Variants in NXNL2 observed in about 807,000 individuals in gnomAD.
NXNL2 encodes the protein nucleoredoxin-like protein 2.
A neutral mutation model predicts 11.1 loss-of-function variants in NXNL2; 7 were observed. The observed-to-expected ratio is 0.63, with a 90% CI of 0.36 to 1.18. NXNL2 has a LOEUF of 1.18. Ranked by LOEUF, NXNL2 falls within the 50% of genes most tolerant of loss-of-function variation. NXNL2 has a pLI of 0.02. For missense variants in NXNL2, 233 were observed against 217.7 expected, an observed-to-expected ratio of 1.07 and a Z score of -0.44; for synonymous variants, 109 against 101.8, an observed-to-expected ratio of 1.07 and a Z score of -0.42.
At chr9:88,581,529 G>A (rs7848347) in intron 1 of NXNL2, among the ~76,000 whole-genome samples, 9,364 of 151,798 alleles carry the variant, frequency 0.062, 915 homozygotes, top group African/African-American at 0.21. Context: ...CCTCTGCCTC[G>A]TAGGTTCAAG....
Position 88,562,788 on chromosome 9 carries a change from T to C in NXNL2, c.303-8299T>C, listed in dbSNP as rs769339214. ...AATTGTAGTGAGGCATTAAGAGACATACAAATAGTAGGACAGAAGGCAGAG... is the reference window on the plus strand; with the variant it reads ...AATTGTAGTGAGGCATTAAGAGACACACAAATAGTAGGACAGAAGGCAGAG... On this transcript the variant is annotated intron_variant, in intron 1 of 2. Transcript: ENST00000375855. Among the ~76,000 whole-genome samples, 47 of 147,732 alleles carry C rather than the reference T, an allele frequency of 3.2e-4. 2 individuals are homozygous for C. The highest frequency in any genetic ancestry group is 6.2e-4 in the Non-Finnish European group (42 of 67,262).
At chr9:88,568,942 T>C (rs1467336216) in intron 1 of NXNL2, among the ~76,000 whole-genome samples, 1 of 152,170 alleles carries the variant, frequency 6.6e-6, no homozygotes, top group Non-Finnish European at 1.5e-5. Flanking sequence ...AATTTTTTTT[T>C]TTCTTGGACA....
intron 1 of NXNL2, among the ~76,000 whole-genome samples, chr9:88,544,150 G>T (rs759582629): frequency 6.6e-6 from 1 of 152,054 alleles, no homozygotes; most frequent in Non-Finnish European, 1.5e-5. Flanking sequence ...TAGCCTGGGC[G>T]ACAAGAACAA....
At chr9:88,563,680 C>T (rs981283404) in intron 1 of NXNL2, among the ~76,000 whole-genome samples, 1 of 152,170 alleles carries the variant, frequency 6.6e-6, no homozygotes, top group African/African-American at 2.4e-5. Context: ...CCCAACCACC[C>T]TGCTGCTCCC....
chr9:88,572,517 G>A (rs983086684), intron 2 of NXNL2, among the ~76,000 whole-genome samples: 1 of 152,130 alleles, frequency 6.6e-6, no homozygotes, highest in African/African-American at 2.4e-5. Flanking sequence ...GACGAATGAC[G>A]GGCCTTTGGA....
chr9:88,549,587 A>G (rs2118450751), downstream of NXNL2, among the ~76,000 whole-genome samples: 1 of 152,176 alleles, frequency 6.6e-6, no homozygotes, highest in South Asian at 2.1e-4. Flanking sequence ...GTTATTGTTG[A>G]GAGATCCAAC....
At chr9:88,537,377 G>A (rs764683431) in intron 1 of NXNL2, among the ~76,000 whole-genome samples, 8 of 152,204 alleles carry the variant, frequency 5.3e-5, no homozygotes, top group African/African-American at 1.7e-4. Flanking sequence ...GAGACTGCTC[G>A]TCTGTTTCTG....
At chr9:88,573,082 A>G (rs944194238) in intron 2 of NXNL2, among the ~76,000 whole-genome samples, 2 of 152,218 alleles carry the variant, frequency 1.3e-5, no homozygotes, top group Non-Finnish European at 2.9e-5. Flanking sequence ...AGGGGCAATT[A>G]CTAGCTTGCT....
chr9:88,582,898 C>T (rs775843471), intron 1 of NXNL2, among the ~76,000 whole-genome samples: 15 of 152,148 alleles, frequency 9.9e-5, no homozygotes, highest in Non-Finnish European at 2.1e-4. Flanking sequence ...GAACTCCTGA[C>T]CTCAAGGGAT....
At chr9:88,550,487 G>A (rs1054971795) in intron 1 of NXNL2, among the ~76,000 whole-genome samples, 1 of 152,228 alleles carries the variant, frequency 6.6e-6, no homozygotes, top group African/African-American at 2.4e-5. Context: ...TTAAAGGCGG[G>A]AGGCAGAGGT....
At chr9:88,582,464 A>G (rs1198820291) in intron 1 of NXNL2, among the ~76,000 whole-genome samples, 2 of 152,088 alleles carry the variant, frequency 1.3e-5, no homozygotes, top group Non-Finnish European at 2.9e-5. Flanking sequence ...GAGAGACTTC[A>G]TCTCAAAAAA....
chr9:88,556,121 C>T (rs764927080), intron 1 of NXNL2, among the ~76,000 whole-genome samples: 2 of 152,146 alleles, frequency 1.3e-5, no homozygotes, highest in African/African-American at 2.4e-5. Context: ...CAGGGAGTCC[C>T]GAGGTCTCGG....
At chr9:88,572,876 G>C (rs1830293601) in intron 2 of NXNL2, among the ~76,000 whole-genome samples, 1 of 152,200 alleles carries the variant, frequency 6.6e-6, no homozygotes, top group Admixed American at 6.5e-5. Flanking sequence ...TCACAGGCTG[G>C]TGCCATAAGC....
chr9:88,573,730 A>G (rs958713709), intron 2 of NXNL2, among the ~76,000 whole-genome samples: 3 of 152,232 alleles, frequency 2.0e-5, no homozygotes, highest in Non-Finnish European at 4.4e-5. Context: ...AACAGTGCAG[A>G]TATACTTACC....
intron 1 of NXNL2, among the ~76,000 whole-genome samples, chr9:88,563,127 A>T (rs1299923319): frequency 3.9e-5 from 6 of 152,176 alleles, no homozygotes; most frequent in Non-Finnish European, 8.8e-5. Flanking sequence ...CTGAGGGCTT[A>T]CCACATATGG....
At position 88,544,869 on chromosome 9, in the gene NXNL2, C is replaced by T; in HGVS notation, c.*322C>T. On this transcript the variant is annotated 3_prime_UTR_variant, in exon 2 of 2. Transcript: ENST00000375854. ...AGACATTTATTTGTACAAGTCTCTT[C>T]AGGTAAAATAATATATTTATTGATA... 2.9e-6 allele frequency: 3 copies of T among 1,018,574 alleles called. No homozygotes were observed. Among genetic ancestry groups the T allele is most frequent in the Non-Finnish European group, 3.5e-6 (3 of 849,418 alleles). 63.1% of individuals were successfully genotyped at this position (1,018,574 alleles called of 1,614,324 possible).
chr9:88,535,448 T>G lies in NXNL2; in HGVS notation c.14T>G (p.Leu5Arg). The G allele has an allele frequency of 6.2e-7, 1 of 1,601,762 alleles. No individual in the cohort carries two copies. Among genetic ancestry groups the G allele is most frequent in the South Asian group, 1.1e-5 (1 of 90,338 alleles). Residue 5 changes from leucine (L) to arginine (R), a missense_variant, in exon 1 of 2, where the codon CTG becomes CGG. Transcript: ENST00000375854. Reference protein sequence around the residue: MVDILGERHLVTCKG... With the variant: MVDIRGERHLVTCKG... Reference sequence around the variant, plus strand: ...CGTGTCTGCGCCATGGTTGACATTCTGGGCGAGCGGCACCTGGTGACCTGT... The same window carrying G: ...CGTGTCTGCGCCATGGTTGACATTCGGGGCGAGCGGCACCTGGTGACCTGT...
At chr9:88,565,709 GTATTT>G (rs960984086) in intron 1 of NXNL2, among the ~76,000 whole-genome samples, 6 of 152,048 alleles carry the variant, frequency 3.9e-5, no homozygotes, top group African/African-American at 1.4e-4. Flanking sequence ...GGCTAATTTT[GTATTT>G]TTAGTAGAGA....
chr9:88,541,029 T>G (rs1228758592), intron 1 of NXNL2, among the ~76,000 whole-genome samples: 3 of 137,010 alleles, frequency 2.2e-5, no homozygotes, highest in African/African-American at 8.6e-5. Flanking sequence ...CCCTGCAACC[T>G]TGAACTCCTG....
Sources: allele counts gnomAD v4.1 joint callset (sites outside exome capture counted in the v4.1 genomes callset), GRCh38; gene constraint gnomAD v4.1.1; transcripts MANE v1.5; gene names NCBI Gene and HGNC (gene_info 2026-07-23, HGNC 2026-07-21).